The following CAST variants were observed in gnomAD, a reference collection of about 807,000 sequenced individuals.
CAST encodes the protein MIR583 host.
CAST carries 76 observed loss-of-function variants against 119.6 expected under a neutral mutation model. The observed-to-expected ratio is 0.64, with a 90% CI of 0.53 to 0.77. The LOEUF (loss-of-function observed/expected upper bound fraction) is 0.77. CAST is among the 30% of genes least tolerant of loss of function. The pLI, the probability that CAST is intolerant of heterozygous loss-of-function variation, is 0.00. For synonymous variants in CAST, 319 were observed against 331.6 expected (o/e 0.96, Z 0.41); for missense variants, 953 against 946.5 (o/e 1.01, Z -0.09).
chr5:96,086,659 T>G, the CAST span, among the ~76,000 whole-genome samples: 1 of 109,552 alleles, frequency 9.1e-6, no homozygotes, highest in African/African-American at 3.3e-5. Flanking sequence ...GACACCATTC[T>G]TTTGGTCCAG....
the CAST span, among the ~76,000 whole-genome samples, chr5:96,497,205 G>A: frequency 2.6e-5 from 4 of 151,828 alleles, no homozygotes; most frequent in Admixed American, 6.6e-5. Context: ...CTTTTTTATG[G>A]CTACATAGTA....
the CAST span, among the ~76,000 whole-genome samples, chr5:96,380,553 A>G: frequency 2.6e-5 from 4 of 152,158 alleles, no homozygotes; most frequent in African/African-American, 9.7e-5. Flanking sequence ...TGACCTGAGT[A>G]TTTGGCAGAA....
intron 1 of CAST, among the ~76,000 whole-genome samples, chr5:96,534,716 A>AAGGAAGGAAGGAAGGAAGGACG: frequency 5.8e-5 from 2 of 34,768 alleles, no homozygotes; most frequent in South Asian, 1.6e-3. Flanking sequence ...GGAAGGAAGG[A>AAGGAAGGAAGGAAGGAAGGACG]GAGAGAGAGA....
At chr5:96,672,286 A>G (rs75804842) in intron 1 of CAST, among the ~76,000 whole-genome samples, 1,667 of 151,954 alleles carry the variant, frequency 0.011, 38 homozygotes, top group African/African-American at 0.039. Context: ...TGTGTATGCA[A>G]ATAGGGCAAA....
At chr5:96,237,963 G>C in the CAST span, among the ~76,000 whole-genome samples, 1 of 151,722 alleles carries the variant, frequency 6.6e-6, no homozygotes, top group African/African-American at 2.4e-5. Context: ...TGTATGTTTA[G>C]TTAATATTAT....
intron 2 of CAST, among the ~76,000 whole-genome samples, chr5:96,681,730 C>T (rs1287021211): frequency 3.5e-5 from 3 of 84,794 alleles, no homozygotes; most frequent in African/African-American, 1.5e-4. Flanking sequence ...GAGACTCCGT[C>T]TCAAAAAAAA....
chr5:96,061,548 C>CA, the CAST span, among the ~76,000 whole-genome samples: 1 of 151,888 alleles, frequency 6.6e-6, no homozygotes, highest in South Asian at 2.1e-4. Flanking sequence ...GGGTACAAGC[C>CA]AAAAATAGAC....
chr5:96,406,485 GC>G, the CAST span, among the ~76,000 whole-genome samples: 1 of 152,106 alleles, frequency 6.6e-6, no homozygotes, highest in African/African-American at 2.4e-5. Flanking sequence ...CATCTTGCCA[GC>G]CCCTCCAAGT....
chr5:96,674,759 C>A (rs1750498397), intron 1 of CAST, among the ~76,000 whole-genome samples: 2 of 152,116 alleles, frequency 1.3e-5, no homozygotes, highest in African/African-American at 2.4e-5. Context: ...AGTAGGGTGA[C>A]TACAGTTAAC....
At chr5:96,460,576 AC>A in the CAST span, among the ~76,000 whole-genome samples, 2 of 149,786 alleles carry the variant, frequency 1.3e-5, no homozygotes, top group Non-Finnish European at 3.0e-5. Flanking sequence ...AAAAAAAAAA[AC>A]CAACCCTCAA....
chr5:96,128,141 C>T, the CAST span, among the ~76,000 whole-genome samples: 1 of 152,076 alleles, frequency 6.6e-6, no homozygotes, highest in Admixed American at 6.6e-5. Context: ...GATAACTTCT[C>T]AGTCTTGAGA....
the CAST span, among the ~76,000 whole-genome samples, chr5:96,339,281 T>A: frequency 6.6e-6 from 1 of 152,188 alleles, no homozygotes; most frequent in Admixed American, 6.5e-5. Flanking sequence ...TTATTTAATC[T>A]TCTTGGTGCA....
the CAST span, chr5:96,308,771 G>C: frequency 6.6e-6 from 1 of 152,654 alleles, no homozygotes; most frequent in Non-Finnish European, 1.5e-5. Context: ...GTTTGCCTGG[G>C]TATCACTAGC....
the CAST span, among the ~76,000 whole-genome samples, chr5:96,502,889 T>A: frequency 0.031 from 4,691 of 152,258 alleles, 85 homozygotes; most frequent in Middle Eastern, 0.051. Context: ...TCATCCCTCT[T>A]TGATTCATGG....
At chr5:96,168,554 C>A in the CAST span, among the ~76,000 whole-genome samples, 1 of 152,062 alleles carries the variant, frequency 6.6e-6, no homozygotes, top group Admixed American at 6.6e-5. Flanking sequence ...AGAGCGGTAG[C>A]CTCAATGATA....
At chr5:96,717,395 C>T (rs1007422159) in intron 3 of CAST, among the ~76,000 whole-genome samples, 1 of 152,234 alleles carries the variant, frequency 6.6e-6, no homozygotes, top group African/African-American at 2.4e-5. Flanking sequence ...GGGGGAATGG[C>T]AAGTTGCAAG....
At chr5:96,095,205 C>T in the CAST span, among the ~76,000 whole-genome samples, 3 of 152,098 alleles carry the variant, frequency 2.0e-5, no homozygotes, top group Non-Finnish European at 4.4e-5. Flanking sequence ...TGCAAACACA[C>T]TTGGTGTGGT....
the CAST span, among the ~76,000 whole-genome samples, chr5:96,388,251 CTTA>C: frequency 6.6e-6 from 1 of 152,194 alleles, no homozygotes; most frequent in Admixed American, 6.5e-5. Flanking sequence ...TAGAGTAATG[CTTA>C]TAAAATATGT....
intron 1 of CAST, among the ~76,000 whole-genome samples, chr5:96,546,795 A>G (rs1375116792): frequency 6.6e-6 from 1 of 152,170 alleles, no homozygotes; most frequent in African/African-American, 2.4e-5. Context: ...TTTCCACTCT[A>G]TAGTTCTCAC....
Sources: gnomAD v4.1 joint callset for allele counts (sites outside exome capture counted in the v4.1 genomes callset) on GRCh38, gnomAD v4.1.1 for gene constraint, MANE v1.5 for transcripts, NCBI Gene and HGNC (gene_info 2026-07-23, HGNC 2026-07-21) for gene names.